The following ANKS1B variants were observed in gnomAD, a reference collection of about 807,000 sequenced individuals.
ANKS1B encodes ankyrin repeat and sterile alpha motif domain-containing protein 1B.
A neutral mutation model predicts 148.3 loss-of-function variants in ANKS1B; 36 were observed. The ratio of observed to expected loss-of-function variants is 0.24; its 90% CI spans 0.19 to 0.32. The LOEUF (loss-of-function observed/expected upper bound fraction) is 0.32. Ranked by LOEUF, ANKS1B falls within the 10% of genes least tolerant of loss-of-function variation. The pLI, the probability that ANKS1B is intolerant of heterozygous loss-of-function variation, is 1.00. For synonymous variants in ANKS1B, 542 were observed against 560.8 expected (o/e 0.97, Z 0.47); for missense variants, 1,157 against 1,542.6 (o/e 0.75, Z 4.19).
chr12:98,762,828 T>C (rs1357905853), intron 25 of ANKS1B, among the ~76,000 whole-genome samples: 4 of 152,258 alleles, frequency 2.6e-5, no homozygotes, highest in Admixed American at 6.5e-5. Flanking sequence ...ACTGAGCTCC[T>C]TGAGGGCTCT....
At chr12:99,669,703 T>TGCA (rs2098527459) in intron 8 of ANKS1B, among the ~76,000 whole-genome samples, 1 of 152,202 alleles carries the variant, frequency 6.6e-6, no homozygotes, top group African/African-American at 2.4e-5. Flanking sequence ...AGATTGATAT[T>TGCA]CAACTGAAGA....
At chr12:99,224,573 A>C (rs2085596806) in intron 14 of ANKS1B, among the ~76,000 whole-genome samples, 1 of 152,100 alleles carries the variant, frequency 6.6e-6, no homozygotes, top group African/African-American at 2.4e-5. Flanking sequence ...TTCCGTCATG[A>C]GTAAAAACTC....
At chr12:99,797,943 T>A (rs551168521) in intron 4 of ANKS1B, among the ~76,000 whole-genome samples, 1 of 151,966 alleles carries the variant, frequency 6.6e-6, no homozygotes, top group Non-Finnish European at 1.5e-5. Flanking sequence ...GTGACTTCCA[T>A]GGAAGCTCAG....
At chr12:99,117,692 C>T (rs2061734230) in intron 15 of ANKS1B, among the ~76,000 whole-genome samples, 1 of 152,184 alleles carries the variant, frequency 6.6e-6, no homozygotes, top group East Asian at 1.9e-4. Context: ...ATTTTGGTAT[C>T]AGGATGAGGC....
At chr12:99,340,817 G>C (rs2089786791) in intron 12 of ANKS1B, among the ~76,000 whole-genome samples, 1 of 151,986 alleles carries the variant, frequency 6.6e-6, no homozygotes, top group East Asian at 1.9e-4. Flanking sequence ...TAAAAGATTT[G>C]TCTTTTCAAA....
chr12:99,695,124 C>A (rs902807688), intron 8 of ANKS1B, among the ~76,000 whole-genome samples: 28 of 152,098 alleles, frequency 1.8e-4, no homozygotes, highest in African/African-American at 4.1e-4. Flanking sequence ...TGTTTATAAT[C>A]AAAAAAGTAA....
At chr12:99,121,318 G>GGGGGGTGTGTGTGTGT (rs796549235) in intron 15 of ANKS1B, among the ~76,000 whole-genome samples, 4 of 105,926 alleles carry the variant, frequency 3.8e-5, no homozygotes, top group East Asian at 2.6e-4. Context: ...TGTGTATGTA[G>GGGGGGTGTGTGTGTGT]GTATGTGTGT....
intron 1 of ANKS1B, among the ~76,000 whole-genome samples, chr12:99,856,709 G>A (rs1436043282): frequency 1.3e-5 from 2 of 152,108 alleles, no homozygotes; most frequent in Non-Finnish European, 2.9e-5. Context: ...TTCATACGAG[G>A]GATGCGGGGA....
At position 99,818,895 on chromosome 12, in the gene ANKS1B, T is replaced by G. The variant is rs565224937; in HGVS notation, c.215+6414A>C. Among the ~76,000 whole-genome samples the G allele has an allele frequency of 3.9e-5, 6 of 151,910 alleles. No individual in the cohort carries two copies. The East Asian group carries it at 1.2e-3, about 29-fold the overall frequency. On this transcript the variant is annotated intron_variant, in intron 2 of 26. Transcript: ENST00000683438. ...TTAATAAAAAATGTATTTCGGTAAG[T>G]TCAGCATATGCTCTGAGCAAAATTA...
At chr12:98,950,113 G>A (rs150068139) in intron 17 of ANKS1B, among the ~76,000 whole-genome samples, 2,762 of 152,342 alleles carry the variant, frequency 0.018, 33 homozygotes, top group Middle Eastern at 0.034. Context: ...CAGTGAAGAT[G>A]CATTAAGACC....
chr12:99,662,032 T>C (rs1198590960), intron 8 of ANKS1B, among the ~76,000 whole-genome samples: 1 of 152,190 alleles, frequency 6.6e-6, no homozygotes, highest in Non-Finnish European at 1.5e-5. Context: ...GGGTTCCTCA[T>C]AGAGGTGATC....
At chr12:99,286,271 T>C (rs1449611364) in intron 12 of ANKS1B, among the ~76,000 whole-genome samples, 2 of 151,746 alleles carry the variant, frequency 1.3e-5, no homozygotes, top group African/African-American at 2.4e-5. Flanking sequence ...AGGTCCTGGT[T>C]CCTGGACAAA....
intron 12 of ANKS1B, among the ~76,000 whole-genome samples, chr12:99,268,776 C>T (rs1281017811): frequency 1.3e-5 from 2 of 152,134 alleles, no homozygotes; most frequent in Non-Finnish European, 2.9e-5. Flanking sequence ...TTTGGAAGCA[C>T]AAACTGCAAC....
chr12:99,115,383 C>T (rs2061138838), intron 15 of ANKS1B, among the ~76,000 whole-genome samples: 1 of 152,148 alleles, frequency 6.6e-6, no homozygotes, highest in African/African-American at 2.4e-5. Flanking sequence ...AAACCAAATA[C>T]CACATGTTCT....
At chr12:99,822,448 AC>A (rs2082628490) in intron 2 of ANKS1B, among the ~76,000 whole-genome samples, 2 of 151,788 alleles carry the variant, frequency 1.3e-5, no homozygotes, top group South Asian at 4.2e-4. Flanking sequence ...AACCCTCCCT[AC>A]CCCCTCTAGT....
At chr12:99,956,150 C>T (rs937156614) in intron 1 of ANKS1B, among the ~76,000 whole-genome samples, 12 of 151,414 alleles carry the variant, frequency 7.9e-5, no homozygotes, top group Non-Finnish European at 1.0e-4. Flanking sequence ...TGGTGGTGGG[C>T]GCCTATAATC....
chr12:99,899,668 C>T (rs1240152327), intron 1 of ANKS1B, among the ~76,000 whole-genome samples: 2 of 152,004 alleles, frequency 1.3e-5, no homozygotes, highest in Non-Finnish European at 2.9e-5. Flanking sequence ...AGAAGATTGC[C>T]CTGTCCTAAA....
At chr12:99,645,516 A>C (rs572714184) in intron 9 of ANKS1B, among the ~76,000 whole-genome samples, 1 of 152,292 alleles carries the variant, frequency 6.6e-6, no homozygotes, top group East Asian at 1.9e-4. Flanking sequence ...GGCTGAGAAA[A>C]ATAAGGCCCA....
chr12:99,835,819 G>A (rs1183154107), intron 1 of ANKS1B, among the ~76,000 whole-genome samples: 4 of 152,080 alleles, frequency 2.6e-5, no homozygotes, highest in South Asian at 4.1e-4. Context: ...AGTAGCTAAC[G>A]GATGCTGGAC....
Sources: gnomAD v4.1 joint callset for allele counts (sites outside exome capture counted in the v4.1 genomes callset) on GRCh38, gnomAD v4.1.1 for gene constraint, MANE v1.5 for transcripts, NCBI Gene and HGNC (gene_info 2026-07-23, HGNC 2026-07-21) for gene names.